CTNNA3: variants seen among roughly 807,000 people sequenced by gnomAD.
The protein encoded by CTNNA3 is catenin alpha 3.
Under a neutral mutation model 95.7 loss-of-function variants are expected in CTNNA3, and 76 were observed. The observed-to-expected ratio is 0.79, with a 90% CI of 0.66 to 0.96. CTNNA3 has a LOEUF of 0.96. CTNNA3 is among the 40% of genes least tolerant of loss of function. The pLI is 0.00. For synonymous variants in CTNNA3, 431 were observed against 374.4 expected (o/e 1.15, Z -1.74); for missense variants, 1,191 against 1,089.8 (o/e 1.09, Z -1.31).
chr10:67,365,740 G>A (rs1708334517), intron 5 of CTNNA3, among the ~76,000 whole-genome samples: 2 of 152,230 alleles, frequency 1.3e-5, no homozygotes, highest in Admixed American at 6.5e-5. Flanking sequence ...ATGCTGGAGA[G>A]GATGTGAAGA....
At chr10:66,227,490 T>C (rs2089368322) in intron 13 of CTNNA3, among the ~76,000 whole-genome samples, 1 of 152,178 alleles carries the variant, frequency 6.6e-6, no homozygotes, top group Admixed American at 6.6e-5. Context: ...TTGCATATGT[T>C]AAACTATCCT....
At position 67,607,009 on chromosome 10, in the gene CTNNA3, C is replaced by T; in HGVS notation, c.140G>A (p.Arg47Lys). Residue 47 changes from arginine (R) to lysine (K), a missense_variant, in exon 3 of 18, where the codon AGG (arginine) becomes AAG (lysine). By Grantham distance (26) the Arg-to-Lys change is conservative. Transcript: ENST00000433211. ...LVNCPQNPSSRKKGRSKRASV... is the reference protein window; with the variant it reads ...LVNCPQNPSSKKKGRSKRASV... ...GGCTCTTTTCGAACGTCCTTTTTTC[C>T]TGCTGGAAGGGTTCTGGGGACAGTT... The T allele has an allele frequency of 6.2e-7, 1 of 1,613,984 alleles. No homozygotes were observed. The highest frequency in any genetic ancestry group is 8.5e-7 in the Non-Finnish European group (1 of 1,179,952).
At chr10:66,369,873 A>C (rs1309027850) in intron 12 of CTNNA3, among the ~76,000 whole-genome samples, 1 of 152,130 alleles carries the variant, frequency 6.6e-6, no homozygotes, top group Non-Finnish European at 1.5e-5. Flanking sequence ...GCTCGTCTTG[A>C]AAACGTGGCA....
intron 9 of CTNNA3, among the ~76,000 whole-genome samples, chr10:66,731,317 G>A (rs758033197): frequency 3.3e-5 from 5 of 152,158 alleles, no homozygotes; most frequent in Non-Finnish European, 7.3e-5. Flanking sequence ...AATGAATTGG[G>A]AGACAAGACA....
At chr10:67,263,132 G>C (rs988709051) in intron 5 of CTNNA3, among the ~76,000 whole-genome samples, 1 of 152,148 alleles carries the variant, frequency 6.6e-6, no homozygotes, top group African/African-American at 2.4e-5. Flanking sequence ...CAGTGGTGGA[G>C]TATTTATTCA....
intron 10 of CTNNA3, among the ~76,000 whole-genome samples, chr10:66,530,756 T>C (rs1841437613): frequency 1.3e-5 from 2 of 152,136 alleles, no homozygotes; most frequent in South Asian, 4.1e-4. Flanking sequence ...GGATGATCCC[T>C]GCATGATGGG....
chr10:66,622,637 T>C (rs1844789097), intron 9 of CTNNA3, among the ~76,000 whole-genome samples: 1 of 152,144 alleles, frequency 6.6e-6, no homozygotes, highest in Admixed American at 6.5e-5. Flanking sequence ...CTCATTGTCT[T>C]TATCATTGCA....
intron 5 of CTNNA3, among the ~76,000 whole-genome samples, chr10:67,363,217 T>C (rs1843064613): frequency 1.3e-5 from 2 of 152,098 alleles, no homozygotes; most frequent in Non-Finnish European, 2.9e-5. Context: ...CATTCAATGC[T>C]ATTCCTATCA....
intron 1 of CTNNA3, among the ~76,000 whole-genome samples, chr10:67,648,105 G>A (rs1325612345): frequency 1.3e-5 from 2 of 152,022 alleles, no homozygotes; most frequent in Non-Finnish European, 2.9e-5. Context: ...AAAGAGAGAA[G>A]CCCCTGAGAA....
intron 7 of CTNNA3, among the ~76,000 whole-genome samples, chr10:66,799,995 G>GA (rs1841367654): frequency 1.3e-5 from 2 of 150,796 alleles, no homozygotes; most frequent in Admixed American, 6.6e-5. Context: ...AAAAATAAGA[G>GA]AAAAAGTCAT....
intron 14 of CTNNA3, among the ~76,000 whole-genome samples, chr10:66,091,049 T>G (rs1266486076): frequency 1.3e-5 from 2 of 151,986 alleles, no homozygotes; most frequent in African/African-American, 4.8e-5. Flanking sequence ...TTGTCTTTAG[T>G]AGGAAAAGAT....
intron 3 of CTNNA3, among the ~76,000 whole-genome samples, chr10:67,563,718 G>T (rs978355324): frequency 6.6e-6 from 1 of 151,884 alleles, no homozygotes; most frequent in Non-Finnish European, 1.5e-5. Flanking sequence ...CTACAGAATG[G>T]GAGAAAATTT....
chr10:66,442,469 T>C (rs1325874653), intron 11 of CTNNA3, among the ~76,000 whole-genome samples: 1 of 152,182 alleles, frequency 6.6e-6, no homozygotes, highest in African/African-American at 2.4e-5. Flanking sequence ...TACAAATTGC[T>C]TGGCATTTTA....
At chr10:66,044,181 G>A (rs749618982) in intron 15 of CTNNA3, among the ~76,000 whole-genome samples, 5 of 152,068 alleles carry the variant, frequency 3.3e-5, no homozygotes, top group Admixed American at 6.5e-5. Flanking sequence ...TAGTACAGAC[G>A]GAGTTTCGCC....
chr10:67,457,279 G>T (rs1847208956), intron 5 of CTNNA3, among the ~76,000 whole-genome samples: 1 of 152,118 alleles, frequency 6.6e-6, no homozygotes, highest in African/African-American at 2.4e-5. Context: ...AAGGCACTCA[G>T]CTAGGAAAAA....
intron 11 of CTNNA3, among the ~76,000 whole-genome samples, chr10:66,478,795 C>T (rs1302958144): frequency 6.6e-6 from 1 of 151,642 alleles, no homozygotes; most frequent in East Asian, 1.9e-4. Context: ...TACTGTACTC[C>T]CAGACATGCA....
intron 1 of CTNNA3, among the ~76,000 whole-genome samples, chr10:67,690,740 T>C (rs1295205242): frequency 6.6e-6 from 1 of 152,188 alleles, no homozygotes; most frequent in Non-Finnish European, 1.5e-5. Context: ...GAGATAAATG[T>C]TTATACAGTG....
intron 9 of CTNNA3, among the ~76,000 whole-genome samples, chr10:66,696,800 A>G (rs918570941): frequency 1.3e-5 from 2 of 151,896 alleles, no homozygotes; most frequent in Admixed American, 6.6e-5. Context: ...TTATCCAAGC[A>G]TGGTGGTGTG....
chr10:67,451,241 C>T (rs890755962), intron 5 of CTNNA3, among the ~76,000 whole-genome samples: 2 of 152,102 alleles, frequency 1.3e-5, no homozygotes, highest in African/African-American at 4.8e-5. Flanking sequence ...TTGGACTTCC[C>T]AGCCACCAGA....
Sources: allele counts gnomAD v4.1 joint callset (sites outside exome capture counted in the v4.1 genomes callset), GRCh38; gene constraint gnomAD v4.1.1; transcripts MANE v1.5; gene names NCBI Gene and HGNC (gene_info 2026-07-23, HGNC 2026-07-21).